The following PDZD2 variants were observed in gnomAD, a reference collection of about 807,000 sequenced individuals.
PDZD2 encodes the protein PDZ domain-containing protein 2.
A neutral mutation model predicts 220.7 loss-of-function variants in PDZD2; 90 were observed. The observed-to-expected ratio is 0.41, with a 90% CI of 0.34 to 0.49. The LOEUF (loss-of-function observed/expected upper bound fraction) is 0.49. Among genes scored for constraint, PDZD2 ranks in the 20% least tolerant of loss-of-function variants. The probability of loss-of-function intolerance (pLI) is 0.28; values close to 1 mark genes in which losing one functional copy is unlikely to be tolerated. For synonymous variants in PDZD2, 1,375 were observed against 1,450.5 expected (o/e 0.95, Z 1.18); for missense variants, 3,174 against 3,608.5 (o/e 0.88, Z 3.08).
chr5:31,760,793 A>C (rs991232751), intron 1 of PDZD2, among the ~76,000 whole-genome samples: 1 of 152,124 alleles, frequency 6.6e-6, no homozygotes, highest in Non-Finnish European at 1.5e-5. Context: ...GCGGTGGTGT[A>C]TGCCTGTAAT....
chr5:32,037,526 A>AT (rs990066335), intron 7 of PDZD2, among the ~76,000 whole-genome samples, 184 bp downstream of exon 7: 5 of 151,768 alleles, frequency 3.3e-5, no homozygotes, highest in South Asian at 2.1e-4. Context: ...TGTGAATTTC[A>AT]TTTTTTTTGA....
intron 1 of PDZD2, among the ~76,000 whole-genome samples, chr5:31,735,456 G>T (rs962192382): frequency 1.3e-5 from 2 of 152,134 alleles, no homozygotes; most frequent in African/African-American, 4.8e-5. Flanking sequence ...AGCTAACCAA[G>T]AAGAGCCCAA....
intron 1 of PDZD2, among the ~76,000 whole-genome samples, chr5:31,650,139 T>C (rs1745296022): frequency 1.3e-5 from 2 of 152,190 alleles, no homozygotes; most frequent in African/African-American, 4.8e-5. Context: ...ATTTCTTCCC[T>C]GTGTTAACAA....
At chr5:31,654,006 G>T (rs1325326755) in intron 1 of PDZD2, among the ~76,000 whole-genome samples, 2 of 152,096 alleles carry the variant, frequency 1.3e-5, no homozygotes, top group Non-Finnish European at 2.9e-5. Flanking sequence ...GTATGGTCTC[G>T]ATCTCCTGAC....
intron 5 of PDZD2, 127 bp from the exon 6 acceptor site, chr5:32,010,203 C>A: frequency 1.5e-6 from 1 of 647,164 alleles, no homozygotes; most frequent in Admixed American, 2.4e-5. Flanking sequence ...ACCTTGCAGA[C>A]ACAGAACATT....
chr5:32,049,076 CCTGTA>C (rs149219632), intron 8 of PDZD2, among the ~76,000 whole-genome samples: 158 of 152,138 alleles, frequency 1.0e-3, no homozygotes, highest in African/African-American at 3.7e-3. Flanking sequence ...TGCGTGTGTG[CCTGTA>C]CATGCATCCA....
At chr5:31,869,909 G>C (rs926240751) in intron 2 of PDZD2, among the ~76,000 whole-genome samples, 4 of 152,150 alleles carry the variant, frequency 2.6e-5, no homozygotes, top group Admixed American at 6.5e-5. Context: ...GGGAGGATTC[G>C]TGCCCTCACA....
At chr5:31,771,072 C>A (rs1752313310) in intron 1 of PDZD2, among the ~76,000 whole-genome samples, 1 of 152,168 alleles carries the variant, frequency 6.6e-6, no homozygotes, top group Admixed American at 6.5e-5. Context: ...TGCAAATAAG[C>A]ATGATTTAAT....
At chr5:32,047,267 G>GA (rs1738067421) in intron 7 of PDZD2, among the ~76,000 whole-genome samples, 1 of 152,136 alleles carries the variant, frequency 6.6e-6, no homozygotes, top group Admixed American at 6.5e-5. Flanking sequence ...TTCCAGAATA[G>GA]CCAAAATTAA....
intron 2 of PDZD2, among the ~76,000 whole-genome samples, chr5:31,857,117 C>T (rs1758521198): frequency 6.6e-6 from 1 of 152,088 alleles, no homozygotes; most frequent in African/African-American, 2.4e-5. Flanking sequence ...TCCCAAAGTG[C>T]TGGGATCATA....
At chr5:31,731,037 GTA>G (rs1338377263) in intron 1 of PDZD2, among the ~76,000 whole-genome samples, 1 of 152,176 alleles carries the variant, frequency 6.6e-6, no homozygotes, top group African/African-American at 2.4e-5. Flanking sequence ...AGCTCCCAAG[GTA>G]TTTGCAAGCC....
At chr5:31,734,852 T>C (rs775858417) in intron 1 of PDZD2, among the ~76,000 whole-genome samples, 5 of 152,210 alleles carry the variant, frequency 3.3e-5, no homozygotes, top group Non-Finnish European at 4.4e-5. Context: ...ACATTTATCA[T>C]TTCAGAGACT....
rs1165708297 is a variant in PDZD2 at position 32,088,289 on chromosome 5, C to T, written c.4841C>T (p.Pro1614Leu). 1.2e-6 allele frequency: 2 copies of T among 1,614,102 alleles called. No individual in the cohort carries two copies. Among genetic ancestry groups the T allele is most frequent in the Admixed American group, 3.3e-5 (2 of 60,016 alleles). Residue 1614 changes from proline (P) to leucine (L), a missense_variant, in exon 20 of 25, where the codon CCT (proline) becomes CTT (leucine). Pro to Leu is a moderately conservative substitution (Grantham distance 98, BLOSUM62 -3). Around this residue, in one of 4 missense-constraint regions of PDZD2, gnomAD observed 1,861 missense variants for 2,001.0 expected, o/e 0.93. Transcript: ENST00000438447. This position sits in a 1 kb window ranked among gnomAD's most constrained non-coding sequence, Gnocchi z 4.6. ...TRGCPNPPSS[P>L]AHLPTQAAIC... is the part of the protein sequence containing the mutation. The stretch of plus-strand genomic sequence containing the variant: ...GGCTGCCCCAATCCACCCTCGAGTC[C>T]TGCTCATCTTCCCACCCAGGCTGCC...
chr5:31,807,928 C>A (rs1754837482), intron 2 of PDZD2, among the ~76,000 whole-genome samples: 3 of 152,138 alleles, frequency 2.0e-5, no homozygotes, highest in Admixed American at 2.0e-4. Flanking sequence ...CTTGAACTTG[C>A]ATGTAAAATT....
intron 6 of PDZD2, among the ~76,000 whole-genome samples, chr5:32,022,127 C>T (rs967594680): frequency 1.3e-5 from 2 of 151,870 alleles, no homozygotes; most frequent in South Asian, 4.2e-4. Context: ...TTTTATATTC[C>T]ATAATGAATT....
chr5:31,950,505 T>A (rs1171164031), intron 2 of PDZD2, among the ~76,000 whole-genome samples: 2 of 152,226 alleles, frequency 1.3e-5, no homozygotes, highest in African/African-American at 2.4e-5. Flanking sequence ...TGAGTATTTT[T>A]TTATTATTAT....
At chr5:31,676,625 T>C (rs1621459) in intron 1 of PDZD2, among the ~76,000 whole-genome samples, 142,967 of 149,356 alleles carry the variant, frequency 0.96, 68,764 homozygotes, top group East Asian at 1. Context: ...ATGATCTTGG[T>C]TCACTGTAAC....
chr5:32,093,059 T>C, intron 21 of PDZD2, 35 bp downstream of exon 21: 1 of 1,111,366 alleles, frequency 9.0e-7, no homozygotes, highest in Non-Finnish European at 1.4e-6. Flanking sequence ...GAACATGAAT[T>C]GCGGCCGCGT....
At chr5:31,762,654 A>C (rs1420642451) in intron 1 of PDZD2, among the ~76,000 whole-genome samples, 1 of 152,184 alleles carries the variant, frequency 6.6e-6, no homozygotes, top group Admixed American at 6.5e-5. Context: ...TGACACTTGA[A>C]GCAGTTCACA....
Sources: gnomAD v4.1 joint callset for allele counts (sites outside exome capture counted in the v4.1 genomes callset) on GRCh38, gnomAD v4.1.1 for gene constraint, gnomAD v4.1.1 regional missense constraint, Gnocchi (gnomAD v3.1) non-coding constraint, MANE v1.5 for transcripts, NCBI Gene and HGNC (gene_info 2026-07-23, HGNC 2026-07-21) for gene names.